CAPN14: variants seen among roughly 807,000 people sequenced by gnomAD.
CAPN14 encodes the protein calpain 14, also known as calpain-14.
CAPN14 carries 94 observed loss-of-function variants against 101.3 expected under a neutral mutation model. That is an observed-to-expected ratio of 0.93 (90% CI 0.79 to 1.10). The LOEUF (loss-of-function observed/expected upper bound fraction) is 1.10. Ranked by LOEUF, CAPN14 falls within the 50% of genes least tolerant of loss-of-function variation. The pLI, the probability that CAPN14 is intolerant of heterozygous loss-of-function variation, is 0.00. For missense variants in CAPN14, 837 were observed against 828.4 expected (o/e 1.01, Z -0.13); for synonymous variants, 338 against 317.9 (o/e 1.06, Z -0.67).
intron 12 of CAPN14, among the ~76,000 whole-genome samples, chr2:31,190,137 T>TTCTCTCTCTCTC (rs3031867): frequency 0.015 from 2,143 of 142,690 alleles, 22 homozygotes; most frequent in African/African-American, 0.028. Context: ...CTGATTCATA[T>TTCTCTCTCTCTC]TCTCTCTCTC....
At chr2:31,208,040 T>C (rs1682193164) in intron 1 of CAPN14, among the ~76,000 whole-genome samples, 1 of 152,136 alleles carries the variant, frequency 6.6e-6, no homozygotes, top group South Asian at 2.1e-4. Context: ...GGGCAGTCGA[T>C]TCCTGGCTAT....
intron 1 of CAPN14, among the ~76,000 whole-genome samples, chr2:31,211,761 C>T (rs1207909930): frequency 6.6e-6 from 1 of 151,728 alleles, no homozygotes; most frequent in Non-Finnish European, 1.5e-5. Flanking sequence ...GTGACTAAGA[C>T]ATTTATTTTA....
At chr2:31,232,896 G>C (rs1394922397) in intron 1 of CAPN14, among the ~76,000 whole-genome samples, 1 of 152,212 alleles carries the variant, frequency 6.6e-6, no homozygotes, top group Non-Finnish European at 1.5e-5. Context: ...ATCTGTGGAA[G>C]GGAGGGTAGT....
intron 16 of CAPN14, among the ~76,000 whole-genome samples, chr2:31,183,615 T>C (rs1468589699): frequency 6.6e-6 from 1 of 151,896 alleles, no homozygotes; most frequent in Non-Finnish European, 1.5e-5. Context: ...ATCAGAGAAA[T>C]GTAAATCAAA....
chr2:31,227,862 C>T (rs543411569), intron 1 of CAPN14, among the ~76,000 whole-genome samples: 4 of 152,292 alleles, frequency 2.6e-5, no homozygotes, highest in Non-Finnish European at 4.4e-5. Flanking sequence ...GTGATGAATG[C>T]GGTAACAGAG....
intron 2 of CAPN14, among the ~76,000 whole-genome samples, chr2:31,222,927 G>C (rs947441948): frequency 6.6e-6 from 1 of 152,168 alleles, no homozygotes; most frequent in Admixed American, 6.5e-5. Flanking sequence ...TCGGAGTTAT[G>C]AATGGGATTA....
At chr2:31,199,426 A>C (rs1429364933) in intron 7 of CAPN14, 44 bp downstream of exon 7, 1 of 1,489,096 alleles carries the variant, frequency 6.7e-7, no homozygotes, top group Non-Finnish European at 9.2e-7. Context: ...CAGAGAGGGA[A>C]GGGCAAGGCT....
intron 1 of CAPN14, among the ~76,000 whole-genome samples, chr2:31,210,681 T>C (rs1428293044): frequency 1.3e-5 from 2 of 152,190 alleles, no homozygotes. Flanking sequence ...ATGATAGTCA[T>C]AGTTAACATT....
At chr2:31,192,934 C>T (rs1681266675) in intron 10 of CAPN14, among the ~76,000 whole-genome samples, 197 bp downstream of exon 10, 1 of 152,146 alleles carries the variant, frequency 6.6e-6, no homozygotes, top group South Asian at 2.1e-4. Context: ...GAGGACTCTG[C>T]CTTGGTGCAC....
rs2148711518 is a variant in CAPN14, at chr2:31,230,968, T to A, written c.-177+2823A>T. ...CAGGCTTCCAAATTTCCTGGCTATT[T>A]ACTGTGTTGTTATTCTGTTGGTCTC... On this transcript the variant is annotated intron_variant and NMD_transcript_variant, in intron 1 of 21. Transcript: ENST00000398824. The surrounding 1 kb of genome is among the most constrained non-coding windows in gnomAD (Gnocchi z 4.3). 6.6e-6 allele frequency among the ~76,000 whole-genome samples: 1 copy of A among 152,382 alleles called. No homozygotes were observed. Among genetic ancestry groups the A allele is most frequent in the African/African-American group, 2.4e-5 (1 of 41,598 alleles).
At position 31,197,634 on chromosome 2, in the gene CAPN14, T is replaced by C. The variant is rs149705002; in HGVS notation, c.790-300A>G. 3.8e-3 allele frequency among the ~76,000 whole-genome samples: 582 copies of C among 152,374 alleles called. 1 individual carries two copies. The highest frequency in any genetic ancestry group is 6.0e-3 in the Non-Finnish European group (411 of 68,042). On this transcript the variant is annotated intron_variant, in intron 7 of 21. Transcript: ENST00000403897. ...AAAGAGGATATGTACACTTAGAACC[T>C]GTGAACATGACCCTATTTGGAAAAA...
At chr2:31,220,618 A>T (rs1386911705), upstream of CAPN14, among the ~76,000 whole-genome samples, 1 of 152,134 alleles carries the variant, frequency 6.6e-6, no homozygotes, top group Non-Finnish European at 1.5e-5. Flanking sequence ...AGGTCAGGAG[A>T]CCAACATGAC....
At chr2:31,191,079 T>C (rs1211630893) in intron 12 of CAPN14, among the ~76,000 whole-genome samples, 2 of 152,206 alleles carry the variant, frequency 1.3e-5, no homozygotes, top group Non-Finnish European at 2.9e-5. Context: ...ATCTTTCCTA[T>C]GCTGTGATGG....
chr2:31,206,037 TA>T (rs201205171), intron 1 of CAPN14, among the ~76,000 whole-genome samples: 26,696 of 131,108 alleles, frequency 0.2, 3,686 homozygotes, highest in East Asian at 0.38. Context: ...TTTATTTATT[TA>T]TTTTTTTTTT....
chr2:31,228,668 A>C (rs768059486), intron 1 of CAPN14, among the ~76,000 whole-genome samples: 1 of 152,226 alleles, frequency 6.6e-6, no homozygotes. Context: ...AGGCAGTGCC[A>C]TGTAGTGGAT....
intron 7 of CAPN14, among the ~76,000 whole-genome samples, chr2:31,198,397 A>G (rs1210718200): frequency 6.6e-6 from 1 of 152,208 alleles, no homozygotes; most frequent in Non-Finnish European, 1.5e-5. Context: ...ACCTCCTGAG[A>G]CTGTGTTACA....
In CAPN14 at chr2:31,191,979, G is replaced by A. The variant is rs755805271; in HGVS notation, c.1234C>T (p.Arg412Cys). Residue 412 changes from arginine to cysteine, a missense_variant, in exon 11 of 22, where the codon CGC becomes TGC. Physicochemically the swap from Arg to Cys is radical, Grantham distance 180. Coordinates refer to ENST00000403897, the MANE Select transcript of CAPN14 (RefSeq NM_001145122.2). ...SLLQKPRHRC[R>C]KRKPLLAIGF... ...ATGGCGAGGAGAGGCTTCCGCTTGC[G>A]GCACCTGTGCCTGGGCTTCTGGAGC... is the stretch of plus-strand genomic sequence containing the variant. 1.9e-4 allele frequency: 298 copies of A among 1,551,424 alleles called. No individual in the cohort carries two copies. Among genetic ancestry groups the A allele is most frequent in the Non-Finnish European group, 2.5e-4 (282 of 1,146,930 alleles).
chr2:31,202,347 G>A (rs978092485), intron 3 of CAPN14, 95 bp from the exon 4 acceptor site: 2 of 881,308 alleles, frequency 2.3e-6, no homozygotes, highest in Admixed American at 2.2e-5. Flanking sequence ...CTCTGGGCTT[G>A]TAGCCCAGTT....
intron 12 of CAPN14, 52 bp from the exon 13 acceptor site, chr2:31,189,530 G>A (rs1681074058): frequency 6.9e-7 from 1 of 1,443,324 alleles, no homozygotes; most frequent in African/African-American, 1.4e-5. Flanking sequence ...CCAGGGCTGT[G>A]GCCAGGCCTG....
Sources: gnomAD v4.1 joint callset for allele counts (sites outside exome capture counted in the v4.1 genomes callset) on GRCh38, gnomAD v4.1.1 for gene constraint, Gnocchi (gnomAD v3.1) non-coding constraint, MANE v1.5 for transcripts, NCBI Gene and HGNC (gene_info 2026-07-23, HGNC 2026-07-21) for gene names.